The following SARS2 variants were observed in gnomAD, a reference collection of about 807,000 sequenced individuals.
SARS2 encodes seryl-tRNA synthetase 2, mitochondrial.
A neutral mutation model predicts 66.8 loss-of-function variants in SARS2; 52 were observed. The observed-to-expected ratio is 0.78, with a 90% CI of 0.62 to 0.98. The LOEUF is 0.98. Among genes scored for constraint, SARS2 ranks in the 50% least tolerant of loss-of-function variants. The pLI, the probability that SARS2 is intolerant of heterozygous loss-of-function variation, is 0.00. For missense variants in SARS2, 673 were observed against 706.3 expected (o/e 0.95, Z 0.53); for synonymous variants, 306 against 281.4 (o/e 1.09, Z -0.87).
chr19:38,923,007 C>T (rs1600169199), intron 2 of SARS2, among the ~76,000 whole-genome samples: 1 of 150,606 alleles, frequency 6.6e-6, no homozygotes, highest in South Asian at 2.1e-4. Flanking sequence ...GGGTTCACGC[C>T]ATTCTCCTGC....
chr19:38,924,214 T>C (rs1025354499), intron 2 of SARS2, among the ~76,000 whole-genome samples: 1 of 151,998 alleles, frequency 6.6e-6, no homozygotes, highest in Non-Finnish European at 1.5e-5. Flanking sequence ...AGTCTATCAG[T>C]GTGCATTTGA....
In SARS2 at chr19:38,918,101, G is replaced by C; in HGVS notation, c.955C>G (p.Pro319Ala). The stretch of plus-strand genomic sequence containing the variant: ...AAGGAAACCAGGTGTCACCTGACTG[G>C]CAGGTCCCTGAAGGCCACGGTGTGG... Reference protein sequence around the residue: ...MDHTVAFRDLPVRMVCSSTCY... With the variant: ...MDHTVAFRDLAVRMVCSSTCY... Residue 319 changes from proline (P) to alanine (A), a missense_variant, in exon 10 of 16, where the codon CCA (proline) becomes GCA (alanine). By Grantham distance (27) the Pro-to-Ala change is conservative. Transcript: ENST00000221431. The C allele has an allele frequency of 6.2e-7, 1 of 1,605,050 alleles. No homozygotes were observed. The highest frequency in any genetic ancestry group is 8.5e-7 in the Non-Finnish European group (1 of 1,176,060).
At chr19:38,917,603 G>A in intron 12 of SARS2, 121 bp downstream of exon 12, 1 of 744,554 alleles carries the variant, frequency 1.3e-6, no homozygotes, top group South Asian at 1.4e-5. Context: ...TCCTTGTACA[G>A]GAAAATGGGG....
In SARS2 at chr19:38,915,645, G is replaced by A. The variant is rs1368292849; in HGVS notation, c.1518C>T (p.Pro506=). 1.2e-6 allele frequency: 2 copies of A among 1,611,216 alleles called. No homozygotes were observed. The highest frequency in any genetic ancestry group is 1.3e-5 in the African/African-American group (1 of 75,020). Residue 506 remains proline, a synonymous_variant, in exon 16 of 16, where the codon CCC becomes CCT. Coordinates refer to ENST00000221431, the MANE Select transcript of SARS2 (RefSeq NM_017827.4). ...VPLQYIGPNQ[P]RKPGLPGQPA... ...GCTGGCCAGGCAGCCCAGGCTTCCG[G>A]GGCTGGTTGGGGCCGATGTACTGGA...
chr19:38,921,443 C>A lies in SARS2; in HGVS notation c.538G>T (p.Val180Phe). The A allele has an allele frequency of 6.2e-7, 1 of 1,614,070 alleles. No homozygotes were observed. Among genetic ancestry groups the A allele is most frequent in the Non-Finnish European group, 8.5e-7 (1 of 1,180,020 alleles). Residue 180 changes from valine to phenylalanine, a missense_variant, in exon 5 of 16, where the codon GTC (valine) becomes TTC (phenylalanine). Transcript: ENST00000221431. ...LPNQTHPDVPVGDESQARVLH... is the reference protein window; with the variant it reads ...LPNQTHPDVPFGDESQARVLH... ...ACTCGAGCCTGGCTCTCATCCCCGA[C>A]GGGCTGCAGGGAGACAGCAGGAGTC...
Position 38,921,315 on chromosome 19 carries a change from C to G in SARS2, c.589+77G>C, listed in dbSNP as rs947105675. 22 of 1,495,354 alleles carry G rather than the reference C, an allele frequency of 1.5e-5. No individual in the cohort carries two copies. In the Admixed American group the frequency reaches 3.8e-4, roughly 26 times the overall value. 92.6% of individuals were successfully genotyped at this position (1,495,354 alleles called of 1,614,324 possible). A position where few individuals can be genotyped will look rare whatever the true frequency, so the allele number is the denominator to read the frequency against. ...AGGCTCCAGACATGTTCCCAGACCC[C>G]AGGGGCCCCCACCCCGAGACCCCAG... On this transcript the variant is annotated intron_variant, in intron 5 of 15. Coordinates refer to ENST00000221431, the MANE Select transcript of SARS2 (RefSeq NM_017827.4).
intron 3 of SARS2, 140 bp from the exon 4 acceptor site, chr19:38,921,807 A>G: frequency 7.3e-7 from 1 of 1,369,862 alleles, no homozygotes; most frequent in Non-Finnish European, 1.0e-6. Flanking sequence ...ACGTCTTCGC[A>G]GAACTTCCCT....
At position 38,920,085 on chromosome 19, in the gene SARS2, C is replaced by T; in HGVS notation, c.653+1G>A. The T allele has an allele frequency of 2.6e-6, 4 of 1,559,460 alleles. No homozygotes were observed. Among genetic ancestry groups the T allele is most frequent in the Non-Finnish European group, 2.6e-6 (3 of 1,151,142 alleles). On this transcript the variant is annotated splice_donor_variant, in intron 6 of 15. Coordinates refer to ENST00000221431, the MANE Select transcript of SARS2 (RefSeq NM_017827.4). LOFTEE classifies it high-confidence loss of function. ...CGTGGGGAGCCAGGGGAGGGGCTCA[C>T]TTCTGACGGATGATGTCGAGTTTCT... is the stretch of plus-strand genomic sequence containing the variant.
intron 2 of SARS2, among the ~76,000 whole-genome samples, 193 bp downstream of exon 2, chr19:38,926,012 C>T (rs1324809472): frequency 1.3e-5 from 2 of 152,198 alleles, no homozygotes; most frequent in Non-Finnish European, 1.5e-5. Flanking sequence ...GATGGGGTTT[C>T]ACCATGTTGC....
chr19:38,926,388 G>T, intron 1 of SARS2, 88 bp from the exon 2 acceptor site: 1 of 1,202,480 alleles, frequency 8.3e-7, no homozygotes, highest in Non-Finnish European at 1.2e-6. Flanking sequence ...GACCTGCGGC[G>T]CAGTGAGGCA....
rs1314311291 is a variant in SARS2 at position 38,915,417 on chromosome 19, G to T, written c.*189C>A. 2 of 625,496 alleles carry T rather than the reference G, an allele frequency of 3.2e-6. No homozygotes were observed. Among genetic ancestry groups the T allele is most frequent in the Non-Finnish European group, 5.6e-6 (2 of 356,888 alleles). 38.7% of individuals were successfully genotyped at this position (625,496 alleles called of 1,614,324 possible). The stretch of plus-strand genomic sequence containing the variant: ...CCACTGGGACCCTCAATGATAACAG[G>T]GTCAGTGACTGACTCTGAGGCAGCA... On this transcript the variant is annotated 3_prime_UTR_variant, in exon 16 of 16. Coordinates refer to ENST00000221431, the MANE Select transcript of SARS2 (RefSeq NM_017827.4).
chr19:38,917,890 C>A, intron 11 of SARS2, 31 bp downstream of exon 11: 1 of 1,613,440 alleles, frequency 6.2e-7, no homozygotes, highest in Non-Finnish European at 8.5e-7. Context: ...GGCCCCCCAC[C>A]CCAGCCCCGT....
In SARS2 at chr19:38,926,384, C is replaced by T. The variant is rs147896546; in HGVS notation, c.268-84G>A. Reference sequence around the variant, plus strand: ...GGAGCCCACTGGCCACCTGGACCTGCGGCGCAGTGAGGCAGAGATCCCTAC... The same window carrying T: ...GGAGCCCACTGGCCACCTGGACCTGTGGCGCAGTGAGGCAGAGATCCCTAC... On this transcript the variant is annotated intron_variant, in intron 1 of 15. Coordinates refer to ENST00000221431, the MANE Select transcript of SARS2 (RefSeq NM_017827.4). The T allele has an allele frequency of 2.7e-4, 348 of 1,286,834 alleles. No individual in the cohort carries two copies. The African/African-American group carries it at 3.0e-3, about 11-fold the overall frequency. The allele number at this position is 1,286,834 out of a possible 1,614,324, so 79.7% of individuals were successfully genotyped here.
Position 38,926,215 on chromosome 19 carries a change from C to A in SARS2, c.353G>T (p.Arg118Leu). The A allele has an allele frequency of 6.2e-7, 1 of 1,605,982 alleles. No individual in the cohort carries two copies. The change falls in exon 2 of 16, where the codon CGG becomes CTG. Residue 118 changes from arginine (R) to leucine (L), a missense_variant. Physicochemically the swap from Arg to Leu is moderately radical, Grantham distance 102 (BLOSUM62 -2). Transcript: ENST00000221431. ...GGGCACCATGCTCACCAGCAGGGCC[C>A]GCACTGCCTCAGTCACAGCTGCCTT... is the stretch of plus-strand genomic sequence containing the variant. ...EEKAAVTEAV[R>L]ALLANQDSGE...
At position 38,916,015 on chromosome 19, in the gene SARS2, CAGG is replaced by C; in HGVS notation, c.1347+19_1347+21del. 6.2e-7 allele frequency: 1 copy of C among 1,612,788 alleles called. No individual in the cohort carries two copies. The highest frequency in any genetic ancestry group is 1.1e-5 in the South Asian group (1 of 91,054). The stretch of plus-strand genomic sequence containing the variant: ...GAGGCTGCGGGCGAGGGCACGCGGG[CAGG>C]AGGCTGTGCGGGCCTCACCGTGTGG... On this transcript the variant is annotated intron_variant, in intron 14 of 15. Transcript: ENST00000221431.
At chr19:38,922,154 T>C in intron 3 of SARS2, 84 bp downstream of exon 3, 1 of 1,601,382 alleles carries the variant, frequency 6.2e-7, no homozygotes, top group Non-Finnish European at 8.6e-7. Flanking sequence ...AGTTGTTTTC[T>C]GTTACAATAG....
chr19:38,924,239 G>C (rs1974591787), intron 2 of SARS2, among the ~76,000 whole-genome samples: 1 of 152,300 alleles, frequency 6.6e-6, no homozygotes, highest in East Asian at 1.9e-4. Context: ...CTGCAACCAA[G>C]GCCCCTTGAC....
chr19:38,930,535 C>G lies in SARS2; in HGVS notation c.202G>C (p.Glu68Gln), dbSNP rs1277293302. The change falls in exon 1 of 16, where the codon GAA becomes CAA. Residue 68 changes from glutamate to glutamine, a missense_variant. Physicochemically the swap from Glu to Gln is conservative, Grantham distance 29 (BLOSUM62 2). Coordinates refer to ENST00000221431, the MANE Select transcript of SARS2 (RefSeq NM_017827.4). Reference protein sequence around the residue: ...LDIERFCACPEEAAHALELRK... With the variant: ...LDIERFCACPQEAAHALELRK... ...AGCTCCAGGGCGTGTGCGGCCTCTT[C>G]TGGGCATGCGCAGAACCGCTCTATG... The G allele has an allele frequency of 1.9e-6, 3 of 1,613,562 alleles. No individual in the cohort carries two copies. In the Middle Eastern group the frequency reaches 4.9e-4, roughly 266 times the overall value.
Position 38,916,208 on chromosome 19 carries a change from G to A in SARS2, c.1254+13C>T. On this transcript the variant is annotated intron_variant, in intron 13 of 15. Transcript: ENST00000221431. ...CCTCCTGCCCACCCCGTCCCCAGCG[G>A]CACAGGGCTCACCTCTCCAAAGCGG... The A allele has an allele frequency of 6.2e-7, 1 of 1,613,848 alleles. No individual in the cohort carries two copies. The highest frequency in any genetic ancestry group is 1.1e-5 in the South Asian group (1 of 91,086).
Sources: allele counts gnomAD v4.1 joint callset (sites outside exome capture counted in the v4.1 genomes callset), GRCh38; gene constraint gnomAD v4.1.1; transcripts MANE v1.5; gene names NCBI Gene and HGNC (gene_info 2026-07-23, HGNC 2026-07-21).